ZFYVE28: variants seen among roughly 807,000 people sequenced by gnomAD.
ZFYVE28 encodes zinc finger FYVE-type containing 28.
A neutral mutation model predicts 82.1 loss-of-function variants in ZFYVE28; 40 were observed. The ratio of observed to expected loss-of-function variants is 0.49; its 90% CI spans 0.38 to 0.63. ZFYVE28 has a LOEUF of 0.63. Ranked by LOEUF, ZFYVE28 falls within the 30% of genes least tolerant of loss-of-function variation. The pLI is 0.00. For synonymous variants in ZFYVE28, 612 were observed against 546.1 expected (o/e 1.12, Z -1.68); for missense variants, 1,321 against 1,242.1 (o/e 1.06, Z -0.96).
At chr4:2,328,746 T>A (rs1285330330) in intron 6 of ZFYVE28, 1 of 196,708 alleles carries the variant, frequency 5.1e-6, no homozygotes, top group Non-Finnish European at 1.0e-5. Context: ...AATATCTGGG[T>A]AATGTGGCCT....
Position 2,418,332 on chromosome 4 carries a change from C to T in ZFYVE28, c.-9G>A, listed in dbSNP as rs775113542. 1 of 1,506,962 alleles carries T rather than the reference C, an allele frequency of 6.6e-7. No homozygotes were observed. The highest frequency in any genetic ancestry group is 8.9e-7 in the Non-Finnish European group (1 of 1,125,466). The allele number at this position is 1,506,962 out of a possible 1,614,324, so 93.3% of individuals were successfully genotyped here. ...CGGAACCTGTTCATCATCGCCGCGC[C>T]GGCCCTGGCCGGACTCCGGGCGGCC... is the stretch of plus-strand genomic sequence containing the variant. On this transcript the variant is annotated 5_prime_UTR_variant, in exon 1 of 13. Coordinates refer to ENST00000290974, the MANE Select transcript of ZFYVE28 (RefSeq NM_020972.3). This position sits in a 1 kb window ranked among gnomAD's most constrained non-coding sequence, Gnocchi z 4.6.
chr4:2,404,899 A>C lies in ZFYVE28; in HGVS notation c.39+13386T>G, dbSNP rs998859401. Among the ~76,000 whole-genome samples the C allele has an allele frequency of 3.4e-5, 4 of 116,624 alleles. No individual in the cohort carries two copies. In the Admixed American group the frequency reaches 3.5e-4, roughly 10 times the overall value. The allele number at this position is 116,624 out of a possible 152,430, so 76.5% of individuals were successfully genotyped here. The stretch of plus-strand genomic sequence containing the variant: ...TTTTGAGAGAGGGTCTTGCTCTGTC[A>C]CCCTTGCCCAGGCTGGAGTGCAGTG... On this transcript the variant is annotated intron_variant, in intron 1 of 12. Coordinates refer to ENST00000290974, the MANE Select transcript of ZFYVE28 (RefSeq NM_020972.3).
At chr4:2,411,055 T>C (rs1057062206) in intron 1 of ZFYVE28, among the ~76,000 whole-genome samples, 1 of 152,186 alleles carries the variant, frequency 6.6e-6, no homozygotes, top group Non-Finnish European at 1.5e-5. Flanking sequence ...AAGGACACTA[T>C]CCTAAATTGG....
At chr4:2,386,670 C>G (rs370614229) in intron 1 of ZFYVE28, among the ~76,000 whole-genome samples, 3 of 152,208 alleles carry the variant, frequency 2.0e-5, no homozygotes, top group Non-Finnish European at 4.4e-5. Context: ...CAGAGTCCCT[C>G]CAGACAAGGA....
rs117262592 is a variant in ZFYVE28 at position 2,299,252 on chromosome 4, T to C, written c.2051+5037A>G. On this transcript the variant is annotated intron_variant, in intron 8 of 12. Transcript: ENST00000290974. ...GGCGCTAACAGAACAACTGCCCAGG[T>C]TGGCAGTGATCAGAGGGGGCAAACC... Among the ~76,000 whole-genome samples, 255 of 152,104 alleles carry C rather than the reference T, an allele frequency of 1.7e-3. 5 individuals are homozygous for C. The East Asian group carries it at 0.047, about 28-fold the overall frequency.
chr4:2,415,529 G>A (rs1044162027), intron 1 of ZFYVE28, among the ~76,000 whole-genome samples: 1 of 151,452 alleles, frequency 6.6e-6, no homozygotes, highest in Non-Finnish European at 1.5e-5. Flanking sequence ...ACCAAAGCAG[G>A]AATTCAATTA....
At chr4:2,374,218 C>A (rs918372524) in intron 1 of ZFYVE28, among the ~76,000 whole-genome samples, 3 of 152,204 alleles carry the variant, frequency 2.0e-5, no homozygotes, top group East Asian at 1.9e-4. Context: ...ACGGAAAAAA[C>A]CAGAACCCAT....
At chr4:2,273,420 G>T (rs1237749615) in intron 9 of ZFYVE28, 131 bp from the exon 10 acceptor site, 8 of 742,412 alleles carry the variant, frequency 1.1e-5, no homozygotes, top group Admixed American at 2.5e-5. Context: ...ATCAGTCAGG[G>T]AGGGAGGAGG....
At chr4:2,299,062 A>G (rs1025608980) in intron 8 of ZFYVE28, among the ~76,000 whole-genome samples, 10 of 152,262 alleles carry the variant, frequency 6.6e-5, no homozygotes, top group South Asian at 4.1e-4. Flanking sequence ...GATAAAATTG[A>G]GGACATCTGC....
chr4:2,371,641 G>T (rs1727564686), intron 1 of ZFYVE28, among the ~76,000 whole-genome samples: 1 of 152,112 alleles, frequency 6.6e-6, no homozygotes, highest in Admixed American at 6.5e-5. Flanking sequence ...GCTCCCGGCA[G>T]GGCAAAAAAC....
chr4:2,397,230 G>C (rs747032571), intron 1 of ZFYVE28, among the ~76,000 whole-genome samples: 7 of 152,144 alleles, frequency 4.6e-5, no homozygotes, highest in Non-Finnish European at 8.8e-5. Context: ...CTAGCACTTT[G>C]GGAGGCCAAG....
Position 2,304,502 on chromosome 4 carries a change from GCCT to G in ZFYVE28, c.1835_1837del (p.Glu612del). The G allele has an allele frequency of 6.2e-7, 1 of 1,612,470 alleles. No individual in the cohort carries two copies. Among genetic ancestry groups the G allele is most frequent in the Non-Finnish European group, 8.5e-7 (1 of 1,179,482 alleles). On this transcript the variant is annotated inframe_deletion, in exon 8 of 13. Transcript: ENST00000290974. ...GGAGGCATCTTCTGAGGGTGGGGGC[GCCT>G]CCTCCTGTCTCTCAGGGGCCCTGTC... is the stretch of plus-strand genomic sequence containing the variant.
At position 2,304,763 on chromosome 4, in the gene ZFYVE28, G is replaced by C. The variant is rs988422580; in HGVS notation, c.1577C>G (p.Ser526Cys). 1 of 1,612,656 alleles carries C rather than the reference G, an allele frequency of 6.2e-7. No homozygotes were observed. The highest frequency in any genetic ancestry group is 1.3e-5 in the African/African-American group (1 of 75,034). ...CTGGGTGGCGACCGCAGAGTCCAGG[G>C]AAGTGGGCGATTTGGGGTTGAAGAT... ...TVIFNPKSPT[S>C]LDSAVATQEA... The change falls in exon 8 of 13, where the codon TCC becomes TGC. Residue 526 changes from serine to cysteine, a missense_variant. Coordinates refer to ENST00000290974, the MANE Select transcript of ZFYVE28 (RefSeq NM_020972.3).
At chr4:2,321,207 T>C (rs1287199039) in intron 6 of ZFYVE28, among the ~76,000 whole-genome samples, 1 of 152,060 alleles carries the variant, frequency 6.6e-6, no homozygotes, top group Non-Finnish European at 1.5e-5. Flanking sequence ...CATGTGGGCC[T>C]GTCTGTGTAA....
In ZFYVE28 at chr4:2,305,535, C is replaced by T; in HGVS notation, c.805G>A (p.Asp269Asn). ...PFHTLLRKIR[D>N]LLQTLTEEEL... ...TCCTCCGTCAGCGTCTGCAGCAAAT[C>T]CCTACGAATCAAGACAAAACCCAAG... is the stretch of plus-strand genomic sequence containing the variant. Residue 269 changes from aspartate (D) to asparagine (N), a missense_variant and splice_region_variant, in exon 8 of 13, where the codon GAT (aspartate) becomes AAT (asparagine). By Grantham distance (23) the Asp-to-Asn change is conservative. Around this residue, in one of 2 missense-constraint regions of ZFYVE28, gnomAD observed 343 missense variants for 408.4 expected, o/e 0.84. Coordinates refer to ENST00000290974, the MANE Select transcript of ZFYVE28 (RefSeq NM_020972.3). 1 of 1,612,936 alleles carries T rather than the reference C, an allele frequency of 6.2e-7. No homozygotes were observed. Among genetic ancestry groups the T allele is most frequent in the East Asian group, 2.2e-5 (1 of 44,886 alleles).
intron 1 of ZFYVE28, among the ~76,000 whole-genome samples, chr4:2,403,810 C>CA (rs1166588752): frequency 1.3e-5 from 2 of 150,854 alleles, no homozygotes; most frequent in African/African-American, 2.4e-5. Context: ...ACTAAAAATA[C>CA]AAAAAAAAAT....
chr4:2,294,810 A>G (rs1714287351), intron 8 of ZFYVE28, among the ~76,000 whole-genome samples: 1 of 152,206 alleles, frequency 6.6e-6, no homozygotes. Flanking sequence ...CCAATGACAA[A>G]TAGCACATGA....
In ZFYVE28 at chr4:2,298,380, G is replaced by A. The variant is rs190602227; in HGVS notation, c.2051+5909C>T. ...ATATGACAAAACTGAGGCTCAGGCT[G>A]AGCAGTCGGTTCACCAGGCACTGCC... On this transcript the variant is annotated intron_variant, in intron 8 of 12. Coordinates refer to ENST00000290974, the MANE Select transcript of ZFYVE28 (RefSeq NM_020972.3). Among the ~76,000 whole-genome samples, 15 of 152,308 alleles carry A rather than the reference G, an allele frequency of 9.8e-5. No homozygotes were observed. In the East Asian group the frequency reaches 2.9e-3, roughly 29 times the overall value.
At chr4:2,369,429 A>G (rs3135138) in intron 1 of ZFYVE28, among the ~76,000 whole-genome samples, 101,454 of 152,020 alleles carry the variant, frequency 0.67, 34,191 homozygotes, top group East Asian at 0.8. Flanking sequence ...CCCAGAGCCT[A>G]CTCTGGGACC....
Sources: allele counts gnomAD v4.1 joint callset (sites outside exome capture counted in the v4.1 genomes callset), GRCh38; gene constraint gnomAD v4.1.1; regional missense constraint gnomAD v4.1.1; non-coding constraint Gnocchi (gnomAD v3.1); transcripts MANE v1.5; gene names NCBI Gene and HGNC (gene_info 2026-07-23, HGNC 2026-07-21).